ARFGEF2: variants seen among roughly 807,000 people sequenced by gnomAD.
The protein encoded by ARFGEF2 is ARF guanine nucleotide exchange factor 2.
Under a neutral mutation model 219.9 loss-of-function variants are expected in ARFGEF2, and 74 were observed. The ratio of observed to expected loss-of-function variants is 0.34; its 90% CI spans 0.28 to 0.41. The LOEUF (loss-of-function observed/expected upper bound fraction) is 0.41, where lower values mean the gene tolerates loss of function less well. Ranked by LOEUF, ARFGEF2 falls within the 10% of genes least tolerant of loss-of-function variation. ARFGEF2 has a pLI of 1.00. For synonymous variants in ARFGEF2, 733 were observed against 799.2 expected (o/e 0.92, Z 1.40); for missense variants, 1,743 against 2,218.3 (o/e 0.79, Z 4.30).
intron 1 of ARFGEF2, among the ~76,000 whole-genome samples, chr20:48,925,306 G>A (rs1222710460): frequency 1.3e-5 from 2 of 152,096 alleles, no homozygotes; most frequent in African/African-American, 4.8e-5. Context: ...AGTATTCATC[G>A]CCCCAAGGAT....
At chr20:48,947,852 T>G (rs2123336299) in intron 3 of ARFGEF2, among the ~76,000 whole-genome samples, 1 of 152,258 alleles carries the variant, frequency 6.6e-6, no homozygotes, top group South Asian at 2.1e-4. Context: ...TGAGACCCCA[T>G]CTCAAAATAA....
chr20:48,942,090 A>G, intron 3 of ARFGEF2, 103 bp downstream of exon 3: 1 of 1,456,268 alleles, frequency 6.9e-7, no homozygotes, highest in Non-Finnish European at 9.5e-7. Flanking sequence ...CAGTGCTGTC[A>G]GAGGCGATGC....
chr20:48,996,033 A>G, intron 23 of ARFGEF2, 151 bp downstream of exon 23: 1 of 730,342 alleles, frequency 1.4e-6, no homozygotes, highest in Non-Finnish European at 2.5e-6. Context: ...TTGCATTTTG[A>G]CCTTTTAGAA....
chr20:48,961,050 AC>A (rs1312196214), intron 6 of ARFGEF2, among the ~76,000 whole-genome samples: 2 of 147,506 alleles, frequency 1.4e-5, no homozygotes, highest in Non-Finnish European at 3.0e-5. Flanking sequence ...ACTGCACTCG[AC>A]CCTGGCAACA....
At chr20:48,967,130 G>A (rs2091192930) in intron 8 of ARFGEF2, among the ~76,000 whole-genome samples, 1 of 152,200 alleles carries the variant, frequency 6.6e-6, no homozygotes, top group African/African-American at 2.4e-5. Flanking sequence ...ACAGGCTTGA[G>A]CCACTGTATC....
chr20:49,011,364 T>C (rs2091496651), intron 27 of ARFGEF2, among the ~76,000 whole-genome samples: 1 of 152,192 alleles, frequency 6.6e-6, no homozygotes, highest in East Asian at 1.9e-4. Context: ...CTTTATAGAA[T>C]GTAACTATCA....
chr20:49,003,090 C>G (rs1015443719), intron 25 of ARFGEF2, among the ~76,000 whole-genome samples: 1 of 151,512 alleles, frequency 6.6e-6, no homozygotes, highest in African/African-American at 2.4e-5. Context: ...GCCTCAGCCT[C>G]CCCAGTAGCT....
intron 7 of ARFGEF2, among the ~76,000 whole-genome samples, chr20:48,964,350 A>G (rs1376644499): frequency 6.6e-6 from 1 of 152,202 alleles, no homozygotes; most frequent in Non-Finnish European, 1.5e-5. Flanking sequence ...GGTTGCAGTG[A>G]GCCGAGAACG....
intron 34 of ARFGEF2, among the ~76,000 whole-genome samples, chr20:49,020,916 C>G (rs939653691): frequency 6.6e-6 from 1 of 152,184 alleles, no homozygotes; most frequent in Non-Finnish European, 1.5e-5. Context: ...TTTGCTGCTC[C>G]CAGTCTCCCA....
chr20:49,028,774 T>G, intron 37 of ARFGEF2, 106 bp downstream of exon 37: 1 of 1,312,392 alleles, frequency 7.6e-7, no homozygotes, highest in Non-Finnish European at 1.1e-6. Flanking sequence ...GCTGACACTC[T>G]GACAAATTTT....
intron 1 of ARFGEF2, among the ~76,000 whole-genome samples, chr20:48,936,803 A>G (rs2090961254): frequency 6.6e-6 from 1 of 152,160 alleles, no homozygotes; most frequent in Non-Finnish European, 1.5e-5. Flanking sequence ...CTGGGATTAC[A>G]GGCATGAGCC....
intron 25 of ARFGEF2, among the ~76,000 whole-genome samples, chr20:49,002,964 C>CTTT (rs558842301): frequency 1.8e-5 from 2 of 112,670 alleles, no homozygotes; most frequent in African/African-American, 3.4e-5. Flanking sequence ...ATTTTTTTAA[C>CTTT]TTTTTTTTTT....
At position 48,921,932 on chromosome 20, in the gene ARFGEF2, C is replaced by T; in HGVS notation, c.43C>T (p.Leu15=). The T allele has an allele frequency of 1.3e-6, 2 of 1,561,000 alleles. No homozygotes were observed. The highest frequency in any genetic ancestry group is 1.7e-6 in the Non-Finnish European group (2 of 1,152,640). ...CAAGAGCATGTTCGTGTCCCGGGCC[C>T]TGGAGAAGATCCTAGCCGACAAGGA... The part of the protein sequence containing the change: ...QTKSMFVSRA[L]EKILADKEVK... The change falls in exon 1 of 39, where the codon CTG becomes TTG. Residue 15 remains leucine (L), a synonymous_variant. Transcript: ENST00000371917.
At chr20:48,936,564 G>C (rs2090959554) in intron 1 of ARFGEF2, among the ~76,000 whole-genome samples, 1 of 151,892 alleles carries the variant, frequency 6.6e-6, no homozygotes, top group Admixed American at 6.6e-5. Context: ...CCCTCTTGTT[G>C]CCCAGGCTGG....
At chr20:48,983,799 A>G (rs753783407) in intron 14 of ARFGEF2, among the ~76,000 whole-genome samples, 2 of 152,182 alleles carry the variant, frequency 1.3e-5, no homozygotes, top group South Asian at 2.1e-4. Context: ...CCTTGCCCCT[A>G]TTTGTATCTT....
chr20:49,017,446 C>T (rs1468237651), intron 32 of ARFGEF2, 50 bp from the exon 33 acceptor site: 2 of 1,612,984 alleles, frequency 1.2e-6, no homozygotes, highest in South Asian at 1.1e-5. Context: ...TCTTAAAGCT[C>T]CTGATTGCCT....
intron 3 of ARFGEF2, among the ~76,000 whole-genome samples, chr20:48,945,339 C>A (rs1035147189): frequency 7.9e-5 from 12 of 152,176 alleles, no homozygotes; most frequent in African/African-American, 2.7e-4. Context: ...ACCAAATGAC[C>A]CGCAGAGCCT....
intron 12 of ARFGEF2, among the ~76,000 whole-genome samples, chr20:48,974,124 T>TTA (rs2091245932): frequency 7.3e-6 from 1 of 136,326 alleles, no homozygotes; most frequent in Non-Finnish European, 1.6e-5. Flanking sequence ...GTGAATTTTT[T>TTA]TTTTTTTTTT....
intron 2 of ARFGEF2, 121 bp from the exon 3 acceptor site, chr20:48,941,743 C>A: frequency 6.9e-7 from 1 of 1,459,530 alleles, no homozygotes; most frequent in Non-Finnish European, 9.5e-7. Flanking sequence ...ACTTTTAATG[C>A]CTAGCCCCAG....
Sources: allele counts gnomAD v4.1 joint callset (sites outside exome capture counted in the v4.1 genomes callset), GRCh38; gene constraint gnomAD v4.1.1; transcripts MANE v1.5; gene names NCBI Gene and HGNC (gene_info 2026-07-23, HGNC 2026-07-21).